The following MRPL35 variants were observed in gnomAD, a reference collection of about 807,000 sequenced individuals.
MRPL35 encodes large ribosomal subunit protein bL35m.
In MRPL35, 18 loss-of-function variants were observed where a neutral mutation model predicts 21.6. The observed-to-expected ratio is 0.83, with a 90% CI of 0.58 to 1.24. The LOEUF (loss-of-function observed/expected upper bound fraction) is 1.24, where lower values mean the gene tolerates loss of function less well. Among genes scored for constraint, MRPL35 ranks in the 50% most tolerant of loss-of-function variants. The pLI is 0.00. For synonymous variants in MRPL35, 87 were observed against 86.9 expected, an observed-to-expected ratio of 1.00 and a Z score of -0.01; for missense variants, 223 against 223.2, an observed-to-expected ratio of 1.00 and a Z score of 0.01.
intron 1 of MRPL35, among the ~76,000 whole-genome samples, chr2:86,201,037 T>C (rs1673674987): frequency 6.6e-6 from 1 of 152,198 alleles, no homozygotes; most frequent in South Asian, 2.1e-4. Flanking sequence ...ACAAAGCTGA[T>C]TGATCTCATC....
intron 1 of MRPL35, among the ~76,000 whole-genome samples, 166 bp downstream of exon 1, chr2:86,199,699 C>G (rs753498900): frequency 6.6e-6 from 1 of 152,210 alleles, no homozygotes; most frequent in African/African-American, 2.4e-5. Context: ...CAGCCCGTAC[C>G]AAGTCCCCCG....
chr2:86,210,716 T>G lies in MRPL35; in HGVS notation c.*48T>G, dbSNP rs774883195. 1 of 1,521,632 alleles carries G rather than the reference T, an allele frequency of 6.6e-7. No homozygotes were observed. Among genetic ancestry groups the G allele is most frequent in the Non-Finnish European group, 8.8e-7 (1 of 1,131,876 alleles). The allele number at this position is 1,521,632 out of a possible 1,614,324, so 94.3% of individuals were successfully genotyped here. On this transcript the variant is annotated 3_prime_UTR_variant, in exon 4 of 4. Transcript: ENST00000337109. ...CAGTTATTGGATATGTATCTTTGTGTACATATCTTTGCAAAAATGGATAAG... is the reference window on the plus strand; with the variant it reads ...CAGTTATTGGATATGTATCTTTGTGGACATATCTTTGCAAAAATGGATAAG...
rs898144797 is a variant in MRPL35 at position 86,211,280 on chromosome 2, T to C, written c.*612T>C. The C allele has an allele frequency of 1.1e-6, 1 of 888,898 alleles. No individual in the cohort carries two copies. Among genetic ancestry groups the C allele is most frequent in the African/African-American group, 1.8e-5 (1 of 55,038 alleles). The allele number at this position is 888,898 out of a possible 1,614,324, so 55.1% of individuals were successfully genotyped here. A position where few individuals can be genotyped will look rare whatever the true frequency, so the allele number is the denominator to read the frequency against. ...CTTTAACTTGCACCTTTGAGGTTCT[T>C]TTCTACATGATGACCTTCAGCTCCT... On this transcript the variant is annotated 3_prime_UTR_variant, in exon 4 of 4. Coordinates refer to ENST00000337109, the MANE Select transcript of MRPL35 (RefSeq NM_016622.4).
intron 1 of MRPL35, among the ~76,000 whole-genome samples, chr2:86,205,603 G>A (rs1039253334): frequency 1.3e-5 from 2 of 152,174 alleles, no homozygotes; most frequent in South Asian, 2.1e-4. Flanking sequence ...TATGTTGTTC[G>A]TCCTACCTGA....
In MRPL35 at chr2:86,199,685, C is replaced by T. The variant is rs1573968077; in HGVS notation, c.43+152C>T. 3.1e-6 allele frequency: 3 copies of T among 981,590 alleles called. No homozygotes were observed. The East Asian group carries it at 8.0e-5, about 26-fold the overall frequency. The allele number at this position is 981,590 out of a possible 1,614,324, so 60.8% of individuals were successfully genotyped here. A position where few individuals can be genotyped will look rare whatever the true frequency, so the allele number is the denominator to read the frequency against. On this transcript the variant is annotated intron_variant, in intron 1 of 3. Coordinates refer to ENST00000337109, the MANE Select transcript of MRPL35 (RefSeq NM_016622.4). ...CCCAATTTTCTCTGGGGCGGTGTGA[C>T]CGGCAGCCCGTACCAAGTCCCCCGA...
In MRPL35 at chr2:86,210,722, T is replaced by G. The variant is rs373806421; in HGVS notation, c.*54T>G. On this transcript the variant is annotated 3_prime_UTR_variant, in exon 4 of 4. Coordinates refer to ENST00000337109, the MANE Select transcript of MRPL35 (RefSeq NM_016622.4). ...TTGGATATGTATCTTTGTGTACATA[T>G]CTTTGCAAAAATGGATAAGTACAAA... 47 of 1,514,652 alleles carry G rather than the reference T, an allele frequency of 3.1e-5. No homozygotes were observed. The East Asian group carries it at 8.4e-4, about 27-fold the overall frequency. 93.8% of individuals were successfully genotyped at this position (1,514,652 alleles called of 1,614,324 possible).
intron 1 of MRPL35, 69 bp from the exon 2 acceptor site, chr2:86,206,037 C>G: frequency 7.5e-7 from 1 of 1,325,912 alleles, no homozygotes; most frequent in Non-Finnish European, 1.1e-6. Context: ...GGCAGTGATA[C>G]ATCTCTTAAT....
In MRPL35 at chr2:86,211,851, T is replaced by G. The variant is rs1673907647; in HGVS notation, c.*1183T>G. The G allele has an allele frequency of 1.0e-6, 1 of 985,410 alleles. No homozygotes were observed. Among genetic ancestry groups the G allele is most frequent in the Non-Finnish European group, 1.2e-6 (1 of 830,006 alleles). The allele number at this position is 985,410 out of a possible 1,614,324, so 61.0% of individuals were successfully genotyped here. On this transcript the variant is annotated 3_prime_UTR_variant, in exon 4 of 4. Transcript: ENST00000337109. ...ATCCACTTCAGATTTCATGTTTTCA[T>G]TTGTAAGGATAAACTTTTCCCACAA...
chr2:86,206,875 A>G (rs1673807377), intron 2 of MRPL35, among the ~76,000 whole-genome samples: 1 of 152,214 alleles, frequency 6.6e-6, no homozygotes, highest in Non-Finnish European at 1.5e-5. Flanking sequence ...AAAAGGACAT[A>G]AGGGTAAACA....
chr2:86,207,475 C>G, intron 3 of MRPL35, 148 bp downstream of exon 3: 1 of 830,832 alleles, frequency 1.2e-6, no homozygotes, highest in Non-Finnish European at 1.7e-6. Flanking sequence ...TCCATCTCTA[C>G]TAAAAATACA....
At chr2:86,204,049 G>T (rs1435846202) in intron 1 of MRPL35, among the ~76,000 whole-genome samples, 1 of 151,772 alleles carries the variant, frequency 6.6e-6, no homozygotes, top group Non-Finnish European at 1.5e-5. Context: ...CAATGTTGCA[G>T]TCTCGGCTCA....
At chr2:86,209,107 A>G (rs938400851) in intron 3 of MRPL35, among the ~76,000 whole-genome samples, 2 of 152,246 alleles carry the variant, frequency 1.3e-5, no homozygotes, top group Non-Finnish European at 2.9e-5. Context: ...TTTGGCCTGC[A>G]AACTATGAAA....
At chr2:86,202,939 G>A (rs1183675458) in intron 1 of MRPL35, among the ~76,000 whole-genome samples, 2 of 151,982 alleles carry the variant, frequency 1.3e-5, no homozygotes, top group African/African-American at 2.4e-5. Context: ...ATCCGCCGGG[G>A]CCTCCCAAAG....
chr2:86,200,698 G>A (rs2059352), intron 1 of MRPL35, among the ~76,000 whole-genome samples: 47,148 of 149,168 alleles, frequency 0.32, 8,287 homozygotes, highest in East Asian at 0.53. Context: ...TTTTTTTTGA[G>A]ACGGAGTTTC....
At position 86,212,219 on chromosome 2, in the gene MRPL35, T is replaced by G. The variant is rs1411337671; in HGVS notation, c.*1551T>G. ...AGTTCTGCAGCATGTCAGGCCAGGA[T>G]TATTAGGGAGATTCCTCGAAACTAG... On this transcript the variant is annotated 3_prime_UTR_variant, in exon 4 of 4. Coordinates refer to ENST00000337109, the MANE Select transcript of MRPL35 (RefSeq NM_016622.4). The G allele has an allele frequency of 7.4e-7, 1 of 1,344,100 alleles. No homozygotes were observed. Among genetic ancestry groups the G allele is most frequent in the Non-Finnish European group, 9.6e-7 (1 of 1,047,048 alleles). 83.3% of individuals were successfully genotyped at this position (1,344,100 alleles called of 1,614,324 possible).
rs770185839 is a variant in MRPL35, at chr2:86,210,700, GATATGT to G, written c.*35_*40del. 4 of 1,586,790 alleles carry G rather than the reference GATATGT, an allele frequency of 2.5e-6. No individual in the cohort carries two copies. ...AGTTTCACTTGTTTCTCAGTTATTG[GATATGT>G]ATCTTTGTGTACATATCTTTGCAAA... On this transcript the variant is annotated 3_prime_UTR_variant, in exon 4 of 4. Coordinates refer to ENST00000337109, the MANE Select transcript of MRPL35 (RefSeq NM_016622.4).
intron 2 of MRPL35, among the ~76,000 whole-genome samples, chr2:86,206,600 G>T (rs1673798852): frequency 6.6e-6 from 1 of 152,170 alleles, no homozygotes; most frequent in Non-Finnish European, 1.5e-5. Context: ...GGTATTCTTT[G>T]CCTACCTGCA....
Position 86,211,557 on chromosome 2 carries a change from TAAC to T in MRPL35, c.*894_*896del, listed in dbSNP as rs1673902742. The T allele has an allele frequency of 2.0e-6, 2 of 985,486 alleles. No homozygotes were observed. The highest frequency in any genetic ancestry group is 1.1e-4 in the East Asian group (1 of 8,822). The allele number at this position is 985,486 out of a possible 1,614,324, so 61.0% of individuals were successfully genotyped here. A position where few individuals can be genotyped will look rare whatever the true frequency, so the allele number is the denominator to read the frequency against. ...TGTTCATAACACTTGTCATTTACTG[TAAC>T]AACATTTTTTCATAGGAGAGTAAAT... On this transcript the variant is annotated 3_prime_UTR_variant, in exon 4 of 4. Transcript: ENST00000337109.
intron 1 of MRPL35, among the ~76,000 whole-genome samples, chr2:86,205,359 C>T (rs1341868360): frequency 6.6e-6 from 1 of 152,124 alleles, no homozygotes; most frequent in Non-Finnish European, 1.5e-5. Flanking sequence ...GGAAGTGGAT[C>T]ATCATAAAGG....
Sources: gnomAD v4.1 joint callset for allele counts (sites outside exome capture counted in the v4.1 genomes callset) on GRCh38, gnomAD v4.1.1 for gene constraint, MANE v1.5 for transcripts, NCBI Gene and HGNC (gene_info 2026-07-23, HGNC 2026-07-21) for gene names.